KATNB1: variants seen among roughly 807,000 people sequenced by gnomAD.
KATNB1 encodes the protein katanin p80 WD40 repeat-containing subunit B1.
KATNB1 carries 38 observed loss-of-function variants against 82.3 expected under a neutral mutation model. That is an observed-to-expected ratio of 0.46 (90% CI 0.36 to 0.61). KATNB1 has a LOEUF of 0.61. KATNB1 is among the 20% of genes least tolerant of loss of function. The pLI, the probability that KATNB1 is intolerant of heterozygous loss-of-function variation, is 0.00. For missense variants in KATNB1, 749 were observed against 915.7 expected, an observed-to-expected ratio of 0.82 and a Z score of 2.35; for synonymous variants, 361 against 368.7, an observed-to-expected ratio of 0.98 and a Z score of 0.24.
intron 4 of KATNB1, among the ~76,000 whole-genome samples, chr16:57,746,555 G>A (rs1464983041): frequency 6.6e-6 from 1 of 152,238 alleles, no homozygotes; most frequent in African/African-American, 2.4e-5. Context: ...CTCCTGTGCT[G>A]TGCCTCGGTG....
chr16:57,737,773 A>G (rs1015276999), intron 2 of KATNB1, among the ~76,000 whole-genome samples: 11 of 152,168 alleles, frequency 7.2e-5, no homozygotes, highest in Admixed American at 2.0e-4. Context: ...ACTGATGGGC[A>G]CTGTCCACTC....
intron 3 of KATNB1, among the ~76,000 whole-genome samples, chr16:57,743,120 C>G (rs1555580227): frequency 6.6e-6 from 1 of 152,172 alleles, no homozygotes; most frequent in African/African-American, 2.4e-5. Flanking sequence ...TGGTGAAATC[C>G]TGTCTCTACT....
At chr16:57,743,682 C>T (rs1232310507) in intron 3 of KATNB1, among the ~76,000 whole-genome samples, 7 of 152,260 alleles carry the variant, frequency 4.6e-5, no homozygotes, top group Non-Finnish European at 2.9e-5. Context: ...GGCTCACACA[C>T]ACCAGCCTCC....
intron 4 of KATNB1, among the ~76,000 whole-genome samples, chr16:57,750,422 G>C (rs936007034): frequency 3.9e-5 from 6 of 152,154 alleles, no homozygotes; most frequent in Non-Finnish European, 7.3e-5. Flanking sequence ...TTGAGGTCAG[G>C]AGGCCAGCCC....
intron 9 of KATNB1, 45 bp downstream of exon 9, chr16:57,752,646 T>C: frequency 6.5e-7 from 1 of 1,547,296 alleles, no homozygotes; most frequent in Non-Finnish European, 8.7e-7. Flanking sequence ...CTCCCGGCAG[T>C]GGGGCGTGGC....
intron 4 of KATNB1, among the ~76,000 whole-genome samples, chr16:57,748,756 A>G (rs2049202610): frequency 3.3e-5 from 5 of 152,242 alleles, no homozygotes; most frequent in Admixed American, 3.3e-4. Flanking sequence ...CCAGAGGGCA[A>G]GGGTAGCTCA....
chr16:57,754,176 G>A (rs1412004051), intron 13 of KATNB1, among the ~76,000 whole-genome samples, 181 bp downstream of exon 13: 1 of 152,128 alleles, frequency 6.6e-6, no homozygotes, highest in Non-Finnish European at 1.5e-5. Flanking sequence ...CTGCAAGACC[G>A]ATAGTGCCCC....
At chr16:57,736,311 C>T (rs535422847) in intron 1 of KATNB1, among the ~76,000 whole-genome samples, 110 of 151,808 alleles carry the variant, frequency 7.2e-4, no homozygotes, top group African/African-American at 2.2e-3. Context: ...GAGGCAGACC[C>T]GGGGACCCAG....
rs782555968 is a variant in KATNB1 at position 57,751,655 on chromosome 16, C to T, written c.447C>T (p.Ala149=). The T allele has an allele frequency of 2.4e-5, 39 of 1,611,270 alleles. No homozygotes were observed. Among genetic ancestry groups the T allele is most frequent in the Admixed American group, 1.3e-4 (8 of 60,022 alleles). Reference sequence around the variant, plus strand: ...TCCTCCCTCAGGGGCACAGCCAGGCCGTGCGGTGTCTCCGGTTCAGCCCCG... The same window carrying T: ...TCCTCCCTCAGGGGCACAGCCAGGCTGTGCGGTGTCTCCGGTTCAGCCCCG... The part of the protein sequence containing the change: ...CVFRYRGHSQ[A]VRCLRFSPDG... The change falls in exon 7 of 20, where the codon GCC becomes GCT. Residue 149 remains alanine, a synonymous_variant. Coordinates refer to ENST00000379661, the MANE Select transcript of KATNB1 (RefSeq NM_005886.3). This position sits in a 1 kb window ranked among gnomAD's most constrained non-coding sequence, Gnocchi z 6.3.
At position 57,755,241 on chromosome 16, in the gene KATNB1, G is replaced by A; in HGVS notation, c.1416+3G>A. Reference sequence around the variant, plus strand: ...TGAAGGCCTCCGACTTCCTGCCCGTGAGTAGGAGCCCAGCTCGAGGCATGG... The same window carrying A: ...TGAAGGCCTCCGACTTCCTGCCCGTAAGTAGGAGCCCAGCTCGAGGCATGG... On this transcript the variant is annotated splice_donor_region_variant and intron_variant, in intron 15 of 19. Coordinates refer to ENST00000379661, the MANE Select transcript of KATNB1 (RefSeq NM_005886.3). 5 of 1,610,828 alleles carry A rather than the reference G, an allele frequency of 3.1e-6. No homozygotes were observed. The highest frequency in any genetic ancestry group is 3.4e-6 in the Non-Finnish European group (4 of 1,179,960).
In KATNB1 at chr16:57,751,035, C is replaced by T. The variant is rs1237526480; in HGVS notation, c.390+108C>T. 2.1e-6 allele frequency: 2 copies of T among 944,562 alleles called. No homozygotes were observed. The highest frequency in any genetic ancestry group is 4.9e-5 in the East Asian group (2 of 40,738). The allele number at this position is 944,562 out of a possible 1,614,324, so 58.5% of individuals were successfully genotyped here. A position where few individuals can be genotyped will look rare whatever the true frequency, so the allele number is the denominator to read the frequency against. Reference sequence around the variant, plus strand: ...GCTGAGGGGACCTCTTCCCTTTCTGCAGCCACATCCACACCATCCTAGGGA... The same window carrying T: ...GCTGAGGGGACCTCTTCCCTTTCTGTAGCCACATCCACACCATCCTAGGGA... On this transcript the variant is annotated intron_variant, in intron 5 of 19. Coordinates refer to ENST00000379661, the MANE Select transcript of KATNB1 (RefSeq NM_005886.3). The surrounding 1 kb of genome is among the most constrained non-coding windows in gnomAD (Gnocchi z 6.3).
chr16:57,756,360 G>A lies in KATNB1; in HGVS notation c.1723G>A (p.Val575Ile), dbSNP rs782529815. 49 of 1,613,546 alleles carry A rather than the reference G, an allele frequency of 3.0e-5. No individual in the cohort carries two copies. The highest frequency in any genetic ancestry group is 3.7e-5 in the Non-Finnish European group (44 of 1,179,860). ...KLLQSKYESY[V>I]QTGCTSLKLI... ...TTCATCCATCTCCCCCTAAAGCTAC[G>A]TCCAGACGGGCTGCACCTCCCTGAA... The change falls in exon 19 of 20, where the codon GTC becomes ATC. Residue 575 changes from valine to isoleucine, a missense_variant. Transcript: ENST00000379661.
Position 57,751,053 on chromosome 16 carries a change from C to A in KATNB1, c.390+126C>A. 1 of 883,380 alleles carries A rather than the reference C, an allele frequency of 1.1e-6. No individual in the cohort carries two copies. The highest frequency in any genetic ancestry group is 1.8e-6 in the Non-Finnish European group (1 of 541,990). 54.7% of individuals were successfully genotyped at this position (883,380 alleles called of 1,614,324 possible). ...CTTTCTGCAGCCACATCCACACCAT[C>A]CTAGGGAAAGCGGGTGGCAGGCATC... On this transcript the variant is annotated intron_variant, in intron 5 of 19. Coordinates refer to ENST00000379661, the MANE Select transcript of KATNB1 (RefSeq NM_005886.3). The surrounding 1 kb of genome is among the most constrained non-coding windows in gnomAD (Gnocchi z 6.3).
chr16:57,739,452 T>C (rs2049126831), intron 2 of KATNB1, among the ~76,000 whole-genome samples: 1 of 152,228 alleles, frequency 6.6e-6, no homozygotes, highest in African/African-American at 2.4e-5. Context: ...TTTGGCTGGA[T>C]GTGGGGCCCA....
At position 57,755,421 on chromosome 16, in the gene KATNB1, T is replaced by C; in HGVS notation, c.1493T>C (p.Met498Thr). The C allele has an allele frequency of 1.2e-6, 2 of 1,613,092 alleles. No homozygotes were observed. Among genetic ancestry groups the C allele is most frequent in the Non-Finnish European group, 1.7e-6 (2 of 1,179,944 alleles). The change falls in exon 16 of 20, where the codon ATG (methionine) becomes ACG (threonine). Residue 498 changes from methionine (M) to threonine (T), a missense_variant. Transcript: ENST00000379661. Reference sequence around the variant, plus strand: ...CAGATCCGCAAAGGCCACGACACCATGTGTGTGGTGCTCACCAGCCGCCAC... The same window carrying C: ...CAGATCCGCAAAGGCCACGACACCACGTGTGTGGTGCTCACCAGCCGCCAC... Reference protein sequence around the residue: ...MSQIRKGHDTMCVVLTSRHKN... With the variant: ...MSQIRKGHDTTCVVLTSRHKN...
At chr16:57,752,252 G>T (rs1555583525) in intron 8 of KATNB1, 197 bp downstream of exon 8, 1 of 639,636 alleles carries the variant, frequency 1.6e-6, no homozygotes, top group Non-Finnish European at 2.8e-6. Context: ...CCTGGCCCCA[G>T]TGTCCCAGGT....
rs2049297353 is a variant in KATNB1 at position 57,756,954 on chromosome 16, A to T, written c.*8A>T. 1 of 1,522,794 alleles carries T rather than the reference A, an allele frequency of 6.6e-7. No individual in the cohort carries two copies. The highest frequency in any genetic ancestry group is 8.8e-7 in the Non-Finnish European group (1 of 1,130,498). 94.3% of individuals were successfully genotyped at this position (1,522,794 alleles called of 1,614,324 possible). ...ATGGCCAGTCTGGACTGAGGAAAGC[A>T]GTGGGCAGGGGCGCTCGGCAGCCCA... On this transcript the variant is annotated 3_prime_UTR_variant, in exon 20 of 20. Coordinates refer to ENST00000379661, the MANE Select transcript of KATNB1 (RefSeq NM_005886.3).
At chr16:57,744,654 AC>A in intron 4 of KATNB1, 143 bp downstream of exon 4, 1 of 702,894 alleles carries the variant, frequency 1.4e-6, no homozygotes. Context: ...TGTGGCACCC[AC>A]TCCACCCCCA....
chr16:57,745,975 G>C (rs1597826099), intron 4 of KATNB1, among the ~76,000 whole-genome samples: 1 of 152,218 alleles, frequency 6.6e-6, no homozygotes, highest in East Asian at 1.9e-4. Context: ...CTGGGCCTCT[G>C]TGTCTCTTCT....
Sources: gnomAD v4.1 joint callset for allele counts (sites outside exome capture counted in the v4.1 genomes callset) on GRCh38, gnomAD v4.1.1 for gene constraint, Gnocchi (gnomAD v3.1) non-coding constraint, MANE v1.5 for transcripts, NCBI Gene and HGNC (gene_info 2026-07-23, HGNC 2026-07-21) for gene names.